Variants in PLAT observed in about 807,000 individuals in gnomAD.
PLAT encodes the protein tissue-type plasminogen activator.
A neutral mutation model predicts 74.9 loss-of-function variants in PLAT; 48 were observed. The ratio of observed to expected loss-of-function variants is 0.64; its 90% CI spans 0.51 to 0.82. The LOEUF is 0.82. Ranked by LOEUF, PLAT falls within the 40% of genes least tolerant of loss-of-function variation. The pLI, the probability that PLAT is intolerant of heterozygous loss-of-function variation, is 0.00. For missense variants in PLAT, 673 were observed against 736.2 expected, an observed-to-expected ratio of 0.91 and a Z score of 0.99; for synonymous variants, 307 against 294.4, an observed-to-expected ratio of 1.04 and a Z score of -0.44.
chr8:42,182,376 A>G, intron 8 of PLAT: 1 of 120,088 alleles, frequency 8.3e-6, no homozygotes. Context: ...CCCAGTCAGT[A>G]ATGTAGTGTT....
chr8:42,186,633 C>G (rs1805468461), intron 6 of PLAT: 1 of 152,196 alleles, frequency 6.6e-6, no homozygotes, highest in Non-Finnish European at 1.5e-5. Flanking sequence ...TTAACCTTGG[C>G]AAAATCAACT....
rs866214917 is a variant in PLAT, at chr8:42,200,760, A to G, written c.-27+6734T>C. Among the ~76,000 whole-genome samples, 3 of 151,560 alleles carry G rather than the reference A, an allele frequency of 2.0e-5. 1 individual carries two copies. The Middle Eastern group carries it at 0.01, about 523-fold the overall frequency. ...TGGCATCAGGACTCAAGCCCAGGAG[A>G]CACAGTTCTCTTACCCCAAATCTAA... On this transcript the variant is annotated intron_variant, in intron 1 of 13. Coordinates refer to ENST00000220809, the MANE Select transcript of PLAT (RefSeq NM_000930.5).
chr8:42,194,256 G>C (rs919328487), intron 1 of PLAT, among the ~76,000 whole-genome samples: 3 of 141,974 alleles, frequency 2.1e-5, no homozygotes, highest in African/African-American at 5.2e-5. Context: ...GTGTGTGTGT[G>C]TGTGTGTGTG....
At chr8:42,194,237 AGAGAGT>A (rs1446579721) in intron 1 of PLAT, among the ~76,000 whole-genome samples, 42 of 60,640 alleles carry the variant, frequency 6.9e-4, no homozygotes, top group African/African-American at 1.1e-3. Context: ...AGAGAGAGAG[AGAGAGT>A]GTGTGTGTGT....
chr8:42,187,192 CTATT>C lies in PLAT; in HGVS notation c.539+202_539+205del, dbSNP rs776361360. The C allele has an allele frequency of 4.8e-5, 23 of 481,216 alleles. 1 individual carries two copies. Among genetic ancestry groups the C allele is most frequent in the Admixed American group, 3.1e-4 (9 of 29,044 alleles). 29.8% of individuals were successfully genotyped at this position (481,216 alleles called of 1,614,324 possible). ...CATCTATCTATCATGTATGTATCAT[CTATT>C]TATCTAATCTATCACCTATCATCTA... On this transcript the variant is annotated intron_variant, in intron 6 of 13. Transcript: ENST00000220809.
chr8:42,193,973 C>A (rs547259041), intron 1 of PLAT, among the ~76,000 whole-genome samples: 68 of 151,878 alleles, frequency 4.5e-4, no homozygotes, highest in African/African-American at 1.6e-3. Context: ...CTTGGCCTCC[C>A]AAAGTGGTGG....
At position 42,177,627 on chromosome 8, in the gene PLAT, A is replaced by G. The variant is rs556389800; in HGVS notation, c.1530+1270T>C. 2.0e-5 allele frequency among the ~76,000 whole-genome samples: 3 copies of G among 152,358 alleles called. No individual in the cohort carries two copies. The East Asian group carries it at 5.8e-4, about 29-fold the overall frequency. On this transcript the variant is annotated intron_variant, in intron 13 of 13. Coordinates refer to ENST00000220809, the MANE Select transcript of PLAT (RefSeq NM_000930.5). ...AGAAGAATGCATGAAAAGCACTGGAAGACATCTAGTAAAACTCTTGGTAAT... is the reference window on the plus strand; with the variant it reads ...AGAAGAATGCATGAAAAGCACTGGAGGACATCTAGTAAAACTCTTGGTAAT...
intron 13 of PLAT, among the ~76,000 whole-genome samples, chr8:42,178,014 C>T (rs1805039947): frequency 6.6e-6 from 1 of 152,240 alleles, no homozygotes. Flanking sequence ...TTAATACCAG[C>T]AGGCTGGCCT....
chr8:42,179,002 G>A lies in PLAT; in HGVS notation c.1425C>T (p.Arg475=). 1 of 1,613,786 alleles carries A rather than the reference G, an allele frequency of 6.2e-7. No individual in the cohort carries two copies. Among genetic ancestry groups the A allele is most frequent in the Non-Finnish European group, 8.5e-7 (1 of 1,179,650 alleles). The change falls in exon 13 of 14, where the codon CGC becomes CGT. Residue 475 remains arginine, a synonymous_variant. Transcript: ENST00000220809. Reference sequence around the variant, plus strand: ...TGTTAAGTAAATGTTGTGATGTGCAGCGGCTGGATGGGTACAGTCTGACAT... The same window carrying A: ...TGTTAAGTAAATGTTGTGATGTGCAACGGCTGGATGGGTACAGTCTGACAT... The part of the protein sequence containing the change: ...EAHVRLYPSS[R]CTSQHLLNRT...
At chr8:42,201,862 G>T (rs1464044107) in intron 1 of PLAT, among the ~76,000 whole-genome samples, 1 of 152,154 alleles carries the variant, frequency 6.6e-6, no homozygotes, top group Non-Finnish European at 1.5e-5. Context: ...AAGGAAATTG[G>T]AGCTTCCCAG....
intron 7 of PLAT, among the ~76,000 whole-genome samples, chr8:42,183,623 C>G (rs529186354): frequency 6.6e-6 from 1 of 152,074 alleles, no homozygotes; most frequent in Non-Finnish European, 1.5e-5. Flanking sequence ...GGGTATGAGC[C>G]GTGGAGTGCT....
In PLAT at chr8:42,180,239, T is replaced by TAG. The variant is rs771949840; in HGVS notation, c.1222+2_1222+3insCT. 1.9e-6 allele frequency: 3 copies of TAG among 1,614,130 alleles called. No individual in the cohort carries two copies. In the East Asian group the frequency reaches 6.7e-5, roughly 36 times the overall value. On this transcript the variant is annotated splice_region_variant and intron_variant, in intron 11 of 13. Coordinates refer to ENST00000220809, the MANE Select transcript of PLAT (RefSeq NM_000930.5). ...ACTGGAGCCGGGAATGACGAGCTCT[T>TAG]ACCAATGTCATTGTCGTAAGTGTCA...
intron 1 of PLAT, among the ~76,000 whole-genome samples, chr8:42,197,774 G>A (rs1805964413): frequency 6.6e-6 from 1 of 152,142 alleles, no homozygotes; most frequent in Non-Finnish European, 1.5e-5. Context: ...CCTAGGAAAG[G>A]AACTAATCAG....
At position 42,188,968 on chromosome 8, in the gene PLAT, A is replaced by G. The variant is rs1196802224; in HGVS notation, c.219T>C (p.Ser73=). The G allele has an allele frequency of 1.8e-5, 29 of 1,614,016 alleles. No individual in the cohort carries two copies. The highest frequency in any genetic ancestry group is 2.0e-5 in the Non-Finnish European group (24 of 1,179,966). ...GCACTGAGTGGCACTGTGCCCTGCC[A>G]CTGTTGCACCAGCAATATTCCACCC... ...SNRVEYCWCN[S]GRAQCHSVPV... The change falls in exon 4 of 14, where the codon AGT becomes AGC. Residue 73 remains serine (S), a synonymous_variant. Transcript: ENST00000220809.
At chr8:42,205,588 C>T (rs1806300108) in intron 1 of PLAT, among the ~76,000 whole-genome samples, 1 of 152,202 alleles carries the variant, frequency 6.6e-6, no homozygotes, top group South Asian at 2.1e-4. Context: ...CTGCCCCCCT[C>T]TCATATGTAA....
At position 42,187,388 on chromosome 8, in the gene PLAT, G is replaced by A. The variant is rs1345780799; in HGVS notation, c.539+10C>T. 1 of 1,560,324 alleles carries A rather than the reference G, an allele frequency of 6.4e-7. No homozygotes were observed. Among genetic ancestry groups the A allele is most frequent in the Non-Finnish European group, 8.7e-7 (1 of 1,153,566 alleles). On this transcript the variant is annotated intron_variant, in intron 6 of 13. Transcript: ENST00000220809. ...ACAGGGGGAATCCCTCCTTGGGGATGTGCCCTCACCTGCAGTAGTTGTGGT... is the reference window on the plus strand; with the variant it reads ...ACAGGGGGAATCCCTCCTTGGGGATATGCCCTCACCTGCAGTAGTTGTGGT...
At chr8:42,206,481 G>C (rs1563266814) in intron 1 of PLAT, among the ~76,000 whole-genome samples, 1 of 152,104 alleles carries the variant, frequency 6.6e-6, no homozygotes. Flanking sequence ...CCTGACAATG[G>C]TATTTGCAAG....
intron 1 of PLAT, among the ~76,000 whole-genome samples, chr8:42,201,313 G>T (rs1023005799): frequency 2.6e-5 from 4 of 152,210 alleles, no homozygotes; most frequent in African/African-American, 9.6e-5. Context: ...CCGTCTTGCT[G>T]AATTGTAAGG....
intron 4 of PLAT, 86 bp downstream of exon 4, chr8:42,188,848 C>T: frequency 8.4e-7 from 1 of 1,193,654 alleles, no homozygotes; most frequent in Non-Finnish European, 1.2e-6. Context: ...TGGTCTTGAA[C>T]TCCCGGGCTC....
Sources: gnomAD v4.1 joint callset for allele counts (sites outside exome capture counted in the v4.1 genomes callset) on GRCh38, gnomAD v4.1.1 for gene constraint, MANE v1.5 for transcripts, NCBI Gene and HGNC (gene_info 2026-07-23, HGNC 2026-07-21) for gene names.